VANGL1: variants seen among roughly 807,000 people sequenced by gnomAD.
VANGL1 encodes vang-like protein 1.
In VANGL1, 18 loss-of-function variants were observed where a neutral mutation model predicts 48.4. The observed-to-expected ratio is 0.37, with a 90% CI of 0.26 to 0.55. VANGL1 has a LOEUF of 0.55. Ranked by LOEUF, VANGL1 falls within the 20% of genes least tolerant of loss-of-function variation. The pLI, the probability that VANGL1 is intolerant of heterozygous loss-of-function variation, is 0.81. For synonymous variants in VANGL1, 257 were observed against 261.8 expected (o/e 0.98, Z 0.18); for missense variants, 667 against 675.8 (o/e 0.99, Z 0.14).
At chr1:115,660,284 A>C (rs144085870) in intron 3 of VANGL1, among the ~76,000 whole-genome samples, 1 of 152,176 alleles carries the variant, frequency 6.6e-6, no homozygotes, top group Non-Finnish European at 1.5e-5. Context: ...GTTAACAGCA[A>C]TCTGTGCAGT....
chr1:115,651,507 C>T (rs1557762261), intron 2 of VANGL1, 23 bp downstream of exon 2: 3 of 1,609,004 alleles, frequency 1.9e-6, no homozygotes, highest in East Asian at 2.2e-5. Context: ...TTCATTATTA[C>T]ACTTTTCCTT....
chr1:115,657,529 G>A (rs574683786), intron 2 of VANGL1, among the ~76,000 whole-genome samples: 1 of 152,332 alleles, frequency 6.6e-6, no homozygotes, highest in African/African-American at 2.4e-5. Context: ...ATTCAGCAAA[G>A]TGTTCTATAA....
chr1:115,667,799 A>G (rs941393714), intron 4 of VANGL1, among the ~76,000 whole-genome samples: 1 of 152,258 alleles, frequency 6.6e-6, no homozygotes. Flanking sequence ...GGAGAAACCC[A>G]GAAGAATAGA....
chr1:115,663,658 C>T lies in VANGL1; in HGVS notation c.205-3C>T. 1 of 1,614,166 alleles carries T rather than the reference C, an allele frequency of 6.2e-7. No individual in the cohort carries two copies. The highest frequency in any genetic ancestry group is 1.1e-5 in the South Asian group (1 of 91,072). ...GTCATCCTCACTGTCTTCTCCCCACCAGGATGACAACTGGGGAGAGACCAC... is the reference window on the plus strand; with the variant it reads ...GTCATCCTCACTGTCTTCTCCCCACTAGGATGACAACTGGGGAGAGACCAC... On this transcript the variant is annotated splice_region_variant and splice_polypyrimidine_tract_variant and intron_variant, in intron 3 of 7. Coordinates refer to ENST00000355485, the MANE Select transcript of VANGL1 (RefSeq NM_138959.3).
At chr1:115,684,711 A>T (rs1653526908) in intron 6 of VANGL1, among the ~76,000 whole-genome samples, 1 of 152,178 alleles carries the variant, frequency 6.6e-6, no homozygotes, top group Non-Finnish European at 1.5e-5. Context: ...CCCCCAGCCC[A>T]TACTTGAGTG....
chr1:115,662,995 C>T (rs574243046), intron 3 of VANGL1, among the ~76,000 whole-genome samples: 1 of 152,246 alleles, frequency 6.6e-6, no homozygotes, highest in South Asian at 2.1e-4. Flanking sequence ...CCATGTTGGC[C>T]AGGATGTTCT....
chr1:115,683,545 C>G (rs1438251741), intron 5 of VANGL1, among the ~76,000 whole-genome samples: 1 of 152,196 alleles, frequency 6.6e-6, no homozygotes, highest in Non-Finnish European at 1.5e-5. Flanking sequence ...CCCCATCCCT[C>G]TCATTCTGTC....
At position 115,689,864 on chromosome 1, in the gene VANGL1, G is replaced by A. The variant is rs1279732888; in HGVS notation, c.1315-1255G>A. Among the ~76,000 whole-genome samples, 7 of 137,498 alleles carry A rather than the reference G, an allele frequency of 5.1e-5. 2 individuals carry two copies. The highest frequency in any genetic ancestry group is 3.7e-4 in the Admixed American group (5 of 13,382). 90.2% of individuals were successfully genotyped at this position (137,498 alleles called of 152,430 possible). A position where few individuals can be genotyped will look rare whatever the true frequency, so the allele number is the denominator to read the frequency against. ...CCAGCTACTTAGGAGGCTGAGGCAA[G>A]AGAATCACTTGAACCCGGGAGGCGG... On this transcript the variant is annotated intron_variant, in intron 7 of 7. Coordinates refer to ENST00000355485, the MANE Select transcript of VANGL1 (RefSeq NM_138959.3).
At chr1:115,657,477 A>T (rs191151637) in intron 2 of VANGL1, among the ~76,000 whole-genome samples, 1 of 152,286 alleles carries the variant, frequency 6.6e-6, no homozygotes, top group African/African-American at 2.4e-5. Context: ...TACTGCCTTC[A>T]TAGGATTATT....
intron 5 of VANGL1, among the ~76,000 whole-genome samples, chr1:115,682,870 G>A (rs1348657644): frequency 2.0e-5 from 3 of 152,198 alleles, no homozygotes; most frequent in African/African-American, 7.2e-5. Context: ...AATCTCAGTA[G>A]TCCAGGCATC....
intron 2 of VANGL1, among the ~76,000 whole-genome samples, chr1:115,659,196 C>G (rs890965142): frequency 6.6e-6 from 1 of 151,848 alleles, no homozygotes; most frequent in Non-Finnish European, 1.5e-5. Flanking sequence ...TTTGGATATT[C>G]TACAAAAAAA....
intron 1 of VANGL1, among the ~76,000 whole-genome samples, chr1:115,646,842 G>A (rs778138614): frequency 6.6e-6 from 1 of 152,184 alleles, no homozygotes; most frequent in Non-Finnish European, 1.5e-5. Context: ...CTAGAGAAGA[G>A]CCTGACTGAG....
At chr1:115,688,176 C>T (rs1055125119) in intron 7 of VANGL1, among the ~76,000 whole-genome samples, 1 of 137,032 alleles carries the variant, frequency 7.3e-6, no homozygotes, top group East Asian at 2.0e-4. Context: ...TAAAGTCATC[C>T]GTTGGCTGTC....
At chr1:115,662,524 G>C (rs896464986) in intron 3 of VANGL1, among the ~76,000 whole-genome samples, 2 of 152,192 alleles carry the variant, frequency 1.3e-5, no homozygotes, top group Non-Finnish European at 2.9e-5. Context: ...TAAGTGAATA[G>C]ACTAATTGCT....
intron 4 of VANGL1, among the ~76,000 whole-genome samples, chr1:115,669,392 A>G (rs978491424): frequency 6.6e-6 from 1 of 152,198 alleles, no homozygotes; most frequent in African/African-American, 2.4e-5. Flanking sequence ...TGAGACTGAG[A>G]GAGAGTAGCT....
intron 4 of VANGL1, among the ~76,000 whole-genome samples, chr1:115,676,372 G>C (rs1318073289): frequency 6.6e-6 from 1 of 152,164 alleles, no homozygotes; most frequent in African/African-American, 2.4e-5. Context: ...ACTGTGCAGA[G>C]TGGACCCATC....
intron 2 of VANGL1, among the ~76,000 whole-genome samples, chr1:115,659,060 A>C (rs966153849): frequency 2.0e-5 from 3 of 152,140 alleles, no homozygotes. Context: ...AAGTTCAACT[A>C]GAACCTATGG....
chr1:115,646,459 C>G (rs1220142005), intron 1 of VANGL1, among the ~76,000 whole-genome samples: 1 of 149,156 alleles, frequency 6.7e-6, no homozygotes, highest in Non-Finnish European at 1.5e-5. Flanking sequence ...AACTCTGCCC[C>G]TGAGTGGGAC....
Position 115,663,783 on chromosome 1 carries a change from C to T in VANGL1, c.327C>T (p.Arg109=). The change falls in exon 4 of 8, where the codon CGC becomes CGT. Residue 109 remains arginine (R), a synonymous_variant. Transcript: ENST00000355485. ...MEDSVGLDCK[R]YLGLTVASFL... ...ACAGCGTGGGGCTGGATTGCAAACG[C>T]TACCTGGGCCTCACCGTCGCCTCTT... 6.2e-7 allele frequency: 1 copy of T among 1,614,198 alleles called. No individual in the cohort carries two copies. The highest frequency in any genetic ancestry group is 1.1e-5 in the South Asian group (1 of 91,086).
Sources: allele counts gnomAD v4.1 joint callset (sites outside exome capture counted in the v4.1 genomes callset), GRCh38; gene constraint gnomAD v4.1.1; transcripts MANE v1.5; gene names NCBI Gene and HGNC (gene_info 2026-07-23, HGNC 2026-07-21).